PPIL6: variants seen among roughly 807,000 people sequenced by gnomAD.
The protein encoded by PPIL6 is probable inactive peptidyl-prolyl cis-trans isomerase-like 6.
PPIL6 carries 39 observed loss-of-function variants against 36.8 expected under a neutral mutation model. That is an observed-to-expected ratio of 1.06 (90% confidence interval 0.82 to 1.38). PPIL6 has a LOEUF of 1.38. Ranked by LOEUF, PPIL6 falls within the 40% of genes most tolerant of loss-of-function variation. The pLI, the probability that PPIL6 is intolerant of heterozygous loss-of-function variation, is 0.00. For missense variants in PPIL6, 368 were observed against 379.1 expected (o/e 0.97, Z 0.24); for synonymous variants, 123 against 134.1 (o/e 0.92, Z 0.57).
At position 109,421,907 on chromosome 6, in the gene PPIL6, T is replaced by C. The variant is rs1174378437; in HGVS notation, c.632-2664A>G. On this transcript the variant is annotated intron_variant, in intron 5 of 7. Transcript: ENST00000521072. The stretch of plus-strand genomic sequence containing the variant: ...AATTTATTTTTTTGAGACAGAGTCT[T>C]GCTCTGTTGCCCAGGCTGGAGTGCA... 3.3e-5 allele frequency among the ~76,000 whole-genome samples: 5 copies of C among 152,036 alleles called. No individual in the cohort carries two copies. The South Asian group carries it at 8.3e-4, about 25-fold the overall frequency.
At position 109,427,115 on chromosome 6, in the gene PPIL6, T is replaced by C. The variant is rs1360128076; in HGVS notation, c.462A>G (p.Pro154=). ...VFLDICIDSS[P]IGRLIFELYC... is the part of the protein sequence containing the mutation. ...TCACCTCAAAAATCAATCTTCCAATTGGAGAAGAATCAATACAAATGTCCA... is the reference window on the plus strand; with the variant it reads ...TCACCTCAAAAATCAATCTTCCAATCGGAGAAGAATCAATACAAATGTCCA... The change falls in exon 4 of 8, where the codon CCA becomes CCG. Residue 154 remains proline, a synonymous_variant. Transcript: ENST00000521072. 5 of 1,611,724 alleles carry C rather than the reference T, an allele frequency of 3.1e-6. No homozygotes were observed. The highest frequency in any genetic ancestry group is 4.2e-6 in the Non-Finnish European group (5 of 1,178,364).
chr6:109,440,618 C>A lies in PPIL6; in HGVS notation c.-28G>T. 2 of 1,233,628 alleles carry A rather than the reference C, an allele frequency of 1.6e-6. No homozygotes were observed. The highest frequency in any genetic ancestry group is 2.0e-6 in the Non-Finnish European group (2 of 988,286). 76.4% of individuals were successfully genotyped at this position (1,233,628 alleles called of 1,614,324 possible). ...CCGCGCCCGGGGACGCCCGGTGACC[C>A]CAAACACTGCGCGTCGCTCCGGCAA... On this transcript the variant is annotated 5_prime_UTR_variant, in exon 1 of 8. Transcript: ENST00000521072.
chr6:109,407,394 C>T (rs1772845149), intron 6 of PPIL6, among the ~76,000 whole-genome samples: 3 of 152,172 alleles, frequency 2.0e-5, no homozygotes, highest in African/African-American at 4.8e-5. Context: ...CGCCCGCCAC[C>T]GCGCCTGGCT....
At chr6:109,422,142 C>G (rs1773582016) in intron 5 of PPIL6, among the ~76,000 whole-genome samples, 1 of 152,154 alleles carries the variant, frequency 6.6e-6, no homozygotes, top group African/African-American at 2.4e-5. Flanking sequence ...TCCCAAAGTG[C>G]TGGGATTACA....
intron 1 of PPIL6, among the ~76,000 whole-genome samples, chr6:109,438,715 A>G (rs1482937633): frequency 6.6e-6 from 1 of 151,664 alleles, no homozygotes; most frequent in Non-Finnish European, 1.5e-5. Context: ...CAGCTTCCCG[A>G]GTAGCTGGGA....
intron 3 of PPIL6, among the ~76,000 whole-genome samples, chr6:109,429,299 T>C (rs926535980): frequency 6.6e-6 from 1 of 152,204 alleles, no homozygotes; most frequent in African/African-American, 2.4e-5. Flanking sequence ...GACCTAAACA[T>C]TTTTCCAGAA....
intron 7 of PPIL6, among the ~76,000 whole-genome samples, chr6:109,393,252 C>G (rs1411918646): frequency 1.3e-5 from 2 of 151,180 alleles, no homozygotes; most frequent in Non-Finnish European, 2.9e-5. Flanking sequence ...GGGTCTCACT[C>G]TGTTGCCCAG....
At chr6:109,396,141 T>G (rs1014005763) in intron 7 of PPIL6, among the ~76,000 whole-genome samples, 2 of 152,210 alleles carry the variant, frequency 1.3e-5, no homozygotes, top group African/African-American at 4.8e-5. Flanking sequence ...GTTTGTCCAC[T>G]TATCACCTGC....
intron 3 of PPIL6, 147 bp from the exon 4 acceptor site, chr6:109,427,303 T>C (rs61318425): frequency 0.27 from 140,025 of 526,358 alleles, 19,839 homozygotes; most frequent in Non-Finnish European, 0.29. Context: ...TAAAATTAAG[T>C]GAATGACTTG....
intron 5 of PPIL6, 138 bp from the exon 6 acceptor site, chr6:109,419,381 G>A: frequency 1.7e-6 from 1 of 586,432 alleles, no homozygotes; most frequent in Admixed American, 2.9e-5. Context: ...AGGAGTTTGA[G>A]ACCAGCCTGG....
chr6:109,431,838 CT>C (rs768012632), intron 2 of PPIL6, among the ~76,000 whole-genome samples: 1 of 152,214 alleles, frequency 6.6e-6, no homozygotes, highest in Non-Finnish European at 1.5e-5. Context: ...TGACCAACAG[CT>C]TTTGTAATCG....
chr6:109,404,478 C>T (rs976015847), intron 6 of PPIL6, among the ~76,000 whole-genome samples: 1 of 152,244 alleles, frequency 6.6e-6, no homozygotes, highest in Non-Finnish European at 1.5e-5. Flanking sequence ...TCCCACAGCA[C>T]TCAGTTCCCT....
At position 109,391,030 on chromosome 6, in the gene PPIL6, T is replaced by C. The variant is rs1270321063; in HGVS notation, c.*1796A>G. Reference sequence around the variant, plus strand: ...AGCCGGGTGCGGTGGCTCACGCCTTTGTAATCTCAGCACTTTGGGAGGCCG... The same window carrying C: ...AGCCGGGTGCGGTGGCTCACGCCTTCGTAATCTCAGCACTTTGGGAGGCCG... On this transcript the variant is annotated 3_prime_UTR_variant, in exon 8 of 8. Transcript: ENST00000521072. 5 of 152,042 alleles carry C rather than the reference T, an allele frequency of 3.3e-5. No individual in the cohort carries two copies. Among genetic ancestry groups the C allele is most frequent in the Non-Finnish European group, 7.3e-5 (5 of 68,068 alleles). 9.4% of individuals were successfully genotyped at this position (152,042 alleles called of 1,614,324 possible).
intron 7 of PPIL6, 27 bp downstream of exon 7, chr6:109,400,006 TTA>T (rs1308924989): frequency 6.5e-7 from 1 of 1,544,238 alleles, no homozygotes; most frequent in Admixed American, 1.8e-5. Context: ...GGTGTGAATA[TTA>T]TATAAATAGA....
Position 109,431,353 on chromosome 6 carries a change from G to T in PPIL6, c.232-8C>A. 1 of 1,355,752 alleles carries T rather than the reference G, an allele frequency of 7.4e-7. No individual in the cohort carries two copies. The highest frequency in any genetic ancestry group is 1.5e-5 in the South Asian group (1 of 66,642). 84.0% of individuals were successfully genotyped at this position (1,355,752 alleles called of 1,614,324 possible). ...GGTTTCATTTTTGAGTTCCTGTAAG[G>T]GAAAAGGACAAAAAAAAAAAAAAAC... On this transcript the variant is annotated splice_polypyrimidine_tract_variant and splice_region_variant and intron_variant, in intron 2 of 7. Transcript: ENST00000521072.
chr6:109,403,286 T>G (rs530953537), intron 6 of PPIL6, among the ~76,000 whole-genome samples: 1 of 152,204 alleles, frequency 6.6e-6, no homozygotes, highest in East Asian at 1.9e-4. Flanking sequence ...TAATTTTTTT[T>G]AAAAAAATTA....
intron 5 of PPIL6, among the ~76,000 whole-genome samples, chr6:109,424,772 C>T (rs768466353): frequency 2.0e-5 from 3 of 152,204 alleles, no homozygotes; most frequent in Non-Finnish European, 2.9e-5. Context: ...CACTGCTATA[C>T]TCCCATTAGC....
At chr6:109,415,331 CTG>C (rs556477856) in intron 6 of PPIL6, among the ~76,000 whole-genome samples, 1 of 152,332 alleles carries the variant, frequency 6.6e-6, no homozygotes, top group East Asian at 1.9e-4. Flanking sequence ...TCTTGAGTAA[CTG>C]GAACCCTTCC....
Position 109,431,257 on chromosome 6 carries a change from T to G in PPIL6, c.320A>C (p.Lys107Thr), listed in dbSNP as rs776226971. The G allele has an allele frequency of 7.4e-6, 12 of 1,613,080 alleles. No homozygotes were observed. The South Asian group carries it at 1.3e-4, about 18-fold the overall frequency. Residue 107 changes from lysine to threonine, a missense_variant, in exon 3 of 8, where the codon AAA (lysine) becomes ACA (threonine). By Grantham distance (78) the Lys-to-Thr change is moderately conservative. Coordinates refer to ENST00000521072, the MANE Select transcript of PPIL6 (RefSeq NM_173672.5). ...QFLGDALDLQ[K>T]WAHEVWDIVD... ...TATATCCCACACCTCGTGGGCCCAT[T>G]TCTGCAGATCCAATGCATCACCCAG...
Sources: gnomAD v4.1 joint callset for allele counts (sites outside exome capture counted in the v4.1 genomes callset) on GRCh38, gnomAD v4.1.1 for gene constraint, MANE v1.5 for transcripts, NCBI Gene and HGNC (gene_info 2026-07-23, HGNC 2026-07-21) for gene names.